The following TAFA1 variants were observed in gnomAD, a reference collection of about 807,000 sequenced individuals.
TAFA1 encodes the protein TAFA chemokine like family member 1.
In TAFA1, 4 loss-of-function variants were observed where a neutral mutation model predicts 18.5. That is an observed-to-expected ratio of 0.22 (90% confidence interval 0.11 to 0.49). The LOEUF (loss-of-function observed/expected upper bound fraction) is 0.49. TAFA1 is among the 20% of genes least tolerant of loss of function. The pLI, the probability that TAFA1 is intolerant of heterozygous loss-of-function variation, is 0.98. For missense variants in TAFA1, 147 were observed against 169.0 expected (o/e 0.87, Z 0.72); for synonymous variants, 56 against 55.2 (o/e 1.01, Z -0.06).
intron 2 of TAFA1, among the ~76,000 whole-genome samples, chr3:68,266,451 C>T (rs142631863): frequency 5.6e-4 from 85 of 152,270 alleles, no homozygotes; most frequent in African/African-American, 1.8e-3. Context: ...CCCTTCACTA[C>T]CATCCCGCAT....
At chr3:68,340,365 GTGGTTGCAT>G (rs1277484124) in intron 2 of TAFA1, among the ~76,000 whole-genome samples, 1 of 152,186 alleles carries the variant, frequency 6.6e-6, no homozygotes, top group Non-Finnish European at 1.5e-5. Context: ...ACTAAACTTT[GTGGTTGCAT>G]TGGAGAATGT....
intron 2 of TAFA1, among the ~76,000 whole-genome samples, chr3:68,215,315 G>T (rs2066643751): frequency 6.6e-6 from 1 of 152,062 alleles, no homozygotes; most frequent in Non-Finnish European, 1.5e-5. Flanking sequence ...GACAATCTAA[G>T]CTGAAATTTA....
rs71618234 is a variant in TAFA1 at position 68,370,286 on chromosome 3, CAAAAAA to C, written c.119-46963_119-46958del. Among the ~76,000 whole-genome samples the C allele has an allele frequency of 1.9e-3, 21 of 10,838 alleles. 3 individuals are homozygous for C. Among genetic ancestry groups the C allele is most frequent in the South Asian group, 9.1e-3 (1 of 110 alleles). The allele number at this position is 10,838 out of a possible 152,430, so 7.1% of individuals were successfully genotyped here. A position where few individuals can be genotyped will look rare whatever the true frequency, so the allele number is the denominator to read the frequency against. ...CTGGGCGACAAGGGAGACCCCATCTCAAAAAAAAAAAAAAAAAAAAAAAAAAAAAAA... is the reference window on the plus strand; with the variant it reads ...CTGGGCGACAAGGGAGACCCCATCTCAAAAAAAAAAAAAAAAAAAAAAAAA... On this transcript the variant is annotated intron_variant, in intron 2 of 4. Coordinates refer to ENST00000478136, the MANE Select transcript of TAFA1 (RefSeq NM_213609.4).
At chr3:68,172,883 G>T (rs1575660114) in intron 2 of TAFA1, among the ~76,000 whole-genome samples, 1 of 152,082 alleles carries the variant, frequency 6.6e-6, no homozygotes, top group Non-Finnish European at 1.5e-5. Flanking sequence ...AATAGAGAGT[G>T]ACTGCTATGC....
intron 3 of TAFA1, among the ~76,000 whole-genome samples, chr3:68,483,364 T>A (rs2072272802): frequency 6.6e-6 from 1 of 152,226 alleles, no homozygotes; most frequent in Non-Finnish European, 1.5e-5. Context: ...AGACAATATG[T>A]ACCCGGATCT....
At chr3:68,143,334 G>T (rs961804102) in intron 2 of TAFA1, among the ~76,000 whole-genome samples, 3 of 152,116 alleles carry the variant, frequency 2.0e-5, no homozygotes, top group Admixed American at 6.6e-5. Flanking sequence ...TACTACATTG[G>T]CTTATGAAGA....
chr3:68,505,532 T>C (rs1429173732), intron 3 of TAFA1, among the ~76,000 whole-genome samples: 2 of 152,160 alleles, frequency 1.3e-5, no homozygotes, highest in Non-Finnish European at 2.9e-5. Flanking sequence ...AATCCTCCTC[T>C]CAATGTCTTA....
intron 2 of TAFA1, among the ~76,000 whole-genome samples, chr3:68,390,429 T>G (rs780792244): frequency 2.0e-5 from 3 of 152,178 alleles, no homozygotes; most frequent in African/African-American, 7.2e-5. Flanking sequence ...TGGGGACAGC[T>G]TAAGCAGACT....
intron 2 of TAFA1, among the ~76,000 whole-genome samples, chr3:68,294,601 T>C (rs1453246303): frequency 2.0e-5 from 3 of 152,176 alleles, no homozygotes; most frequent in Non-Finnish European, 4.4e-5. Flanking sequence ...ATTCAGCTCC[T>C]GGGCCAGGCA....
At chr3:68,491,362 A>C (rs936343829) in intron 3 of TAFA1, among the ~76,000 whole-genome samples, 1 of 152,206 alleles carries the variant, frequency 6.6e-6, no homozygotes, top group Admixed American at 6.5e-5. Flanking sequence ...TGTAGCCATA[A>C]AAAATGATGA....
intron 2 of TAFA1, among the ~76,000 whole-genome samples, chr3:68,217,709 T>C (rs2066676714): frequency 6.6e-6 from 1 of 152,062 alleles, no homozygotes; most frequent in Admixed American, 6.6e-5. Context: ...ATAAATCTAA[T>C]ACTGCTCTAA....
At chr3:68,221,392 A>G (rs550219684) in intron 2 of TAFA1, among the ~76,000 whole-genome samples, 7 of 152,294 alleles carry the variant, frequency 4.6e-5, no homozygotes, top group African/African-American at 1.7e-4. Flanking sequence ...CAACTCTGAT[A>G]AGAGAGTAGA....
At chr3:68,324,957 A>T (rs1435704236) in intron 2 of TAFA1, among the ~76,000 whole-genome samples, 1 of 152,164 alleles carries the variant, frequency 6.6e-6, no homozygotes, top group African/African-American at 2.4e-5. Context: ...GCCAGTCTTC[A>T]TCACAGTCAC....
intron 2 of TAFA1, among the ~76,000 whole-genome samples, chr3:68,101,856 G>A (rs2065151305): frequency 6.6e-6 from 1 of 152,090 alleles, no homozygotes; most frequent in Non-Finnish European, 1.5e-5. Flanking sequence ...GACAACTCCT[G>A]ATGCTTATGT....
rs566605201 is a variant in TAFA1 at position 68,544,811 on chromosome 3, G to GTA, written c.*323_*324dup. 0.013 allele frequency: 2,029 copies of GTA among 156,604 alleles called. 19 individuals are homozygous for GTA. The highest frequency in any genetic ancestry group is 0.054 in the Middle Eastern group (16 of 298). 9.7% of individuals were successfully genotyped at this position (156,604 alleles called of 1,614,324 possible). Reference sequence around the variant, plus strand: ...TTACTTTGTACCATTTGAAATATATGTATATATATATATATAATATTTTGA... The same window carrying GTA: ...TTACTTTGTACCATTTGAAATATATGTATATATATATATATATAATATTTTGA... On this transcript the variant is annotated 3_prime_UTR_variant, in exon 5 of 5. Transcript: ENST00000478136.
chr3:68,081,293 G>A (rs1185973373), intron 2 of TAFA1, among the ~76,000 whole-genome samples: 1 of 152,090 alleles, frequency 6.6e-6, no homozygotes, highest in Non-Finnish European at 1.5e-5. Flanking sequence ...TTGATCGTCT[G>A]AAGCCTTCTT....
chr3:68,226,904 G>A (rs1191957200), intron 2 of TAFA1, among the ~76,000 whole-genome samples: 1 of 152,184 alleles, frequency 6.6e-6, no homozygotes, highest in African/African-American at 2.4e-5. Flanking sequence ...GCAAAAGGTA[G>A]CAACCAGCAA....
intron 2 of TAFA1, among the ~76,000 whole-genome samples, chr3:68,263,362 C>A (rs1187949716): frequency 6.6e-6 from 1 of 151,226 alleles, no homozygotes; most frequent in African/African-American, 2.4e-5. Context: ...TTTTGTGGAA[C>A]ATACACAAAA....
rs996123864 is a variant in TAFA1 at position 68,452,581 on chromosome 3, A to G, written c.259+35161A>G. Among the ~76,000 whole-genome samples the G allele has an allele frequency of 3.3e-5, 5 of 151,840 alleles. No individual in the cohort carries two copies. The East Asian group carries it at 9.7e-4, about 29-fold the overall frequency. ...ACCTGGTAAGAACATGTCTACTACT[A>G]TGCTTACTCAGCCATGGAAAATGCC... is the stretch of plus-strand genomic sequence containing the variant. On this transcript the variant is annotated intron_variant, in intron 3 of 4. Transcript: ENST00000478136.
Sources: allele counts gnomAD v4.1 joint callset (sites outside exome capture counted in the v4.1 genomes callset), GRCh38; gene constraint gnomAD v4.1.1; transcripts MANE v1.5; gene names NCBI Gene and HGNC (gene_info 2026-07-23, HGNC 2026-07-21).